CCDC149: variants seen among roughly 807,000 people sequenced by gnomAD.
CCDC149 encodes coiled-coil domain-containing protein 149.
In CCDC149, 45 loss-of-function variants were observed where a neutral mutation model predicts 59.9. The observed-to-expected ratio is 0.75, with a 90% CI of 0.59 to 0.96. CCDC149 has a LOEUF of 0.96. Among genes scored for constraint, CCDC149 ranks in the 40% least tolerant of loss-of-function variants. The pLI, the probability that CCDC149 is intolerant of heterozygous loss-of-function variation, is 0.00. For missense variants in CCDC149, 584 were observed against 664.7 expected (o/e 0.88, Z 1.33); for synonymous variants, 245 against 260.6 (o/e 0.94, Z 0.58).
At chr4:24,944,307 C>T (rs1055495571) in intron 1 of CCDC149, among the ~76,000 whole-genome samples, 4 of 151,914 alleles carry the variant, frequency 2.6e-5, no homozygotes, top group African/African-American at 9.7e-5. Flanking sequence ...GGACTAAAAA[C>T]CAAACACCGC....
At chr4:24,852,287 TACACACAC>T (rs768071017) in intron 4 of CCDC149, among the ~76,000 whole-genome samples, 301 of 121,342 alleles carry the variant, frequency 2.5e-3, no homozygotes, top group African/African-American at 4.9e-3. Flanking sequence ...CAACACACCA[TACACACAC>T]ACACACACAC....
chr4:24,928,980 T>C (rs973643466), intron 1 of CCDC149, among the ~76,000 whole-genome samples: 1 of 152,320 alleles, frequency 6.6e-6, no homozygotes, highest in Non-Finnish European at 1.5e-5. Context: ...TGCTACAGTG[T>C]CATGCATTGA....
At chr4:24,866,192 G>C (rs1476059477) in intron 3 of CCDC149, among the ~76,000 whole-genome samples, 1 of 152,056 alleles carries the variant, frequency 6.6e-6, no homozygotes, top group African/African-American at 2.4e-5. Context: ...GATTTTTCCA[G>C]GGTTGTCATC....
chr4:24,836,577 G>A, intron 6 of CCDC149, 69 bp from the exon 7 acceptor site: 1 of 1,072,044 alleles, frequency 9.3e-7, no homozygotes, highest in Admixed American at 2.0e-5. Flanking sequence ...GAAGTATAAG[G>A]GGAAAAAACA....
At chr4:24,812,781 C>T (rs962127921) in intron 12 of CCDC149, among the ~76,000 whole-genome samples, 2 of 152,322 alleles carry the variant, frequency 1.3e-5, no homozygotes, top group East Asian at 3.9e-4. Context: ...TCTTATATGG[C>T]AGCAGGCAAG....
chr4:24,919,339 G>A (rs533199458), intron 1 of CCDC149, among the ~76,000 whole-genome samples: 44 of 152,280 alleles, frequency 2.9e-4, no homozygotes, highest in African/African-American at 9.6e-4. Flanking sequence ...GAAACACAGA[G>A]AGACACCACA....
rs369543642 is a variant in CCDC149, at chr4:24,819,953, G to A, written c.1098C>T (p.Phe366=). Reference sequence around the variant, plus strand: ...GTCCACTAGGAAGAGTGGGGTCGCTGAACAGTATGGTGTCCTTGCCCCCTG... The same window carrying A: ...GTCCACTAGGAAGAGTGGGGTCGCTAAACAGTATGGTGTCCTTGCCCCCTG... The change falls in exon 12 of 13, where the codon TTC becomes TTT. Residue 366 remains phenylalanine, a synonymous_variant. Transcript: ENST00000635206. 1.7e-5 allele frequency: 27 copies of A among 1,551,296 alleles called. No individual in the cohort carries two copies. Among genetic ancestry groups the A allele is most frequent in the Non-Finnish European group, 2.4e-5 (27 of 1,146,862 alleles).
intron 1 of CCDC149, among the ~76,000 whole-genome samples, chr4:24,921,802 T>C (rs1722302563): frequency 1.3e-5 from 2 of 152,154 alleles, no homozygotes; most frequent in African/African-American, 4.8e-5. Context: ...TTCACATAGC[T>C]AGTAAGGGGT....
intron 1 of CCDC149, among the ~76,000 whole-genome samples, chr4:24,889,594 G>T (rs545243866): frequency 4.1e-4 from 62 of 152,326 alleles, no homozygotes; most frequent in African/African-American, 1.4e-3. Context: ...CAGGCAGCTT[G>T]CATCACCAAC....
intron 1 of CCDC149, among the ~76,000 whole-genome samples, chr4:24,971,195 T>C (rs1723959392): frequency 6.6e-6 from 1 of 152,228 alleles, no homozygotes; most frequent in Admixed American, 6.5e-5. Context: ...TGGGCATCTC[T>C]AGGCTCTGGC....
intron 1 of CCDC149, among the ~76,000 whole-genome samples, chr4:24,898,078 C>A (rs1400965439): frequency 3.3e-5 from 5 of 152,132 alleles, no homozygotes; most frequent in Non-Finnish European, 7.4e-5. Context: ...ATCTGCGCCC[C>A]ATCAATATGA....
chr4:24,914,486 G>A (rs542685289), upstream of CCDC149, among the ~76,000 whole-genome samples: 9 of 151,758 alleles, frequency 5.9e-5, no homozygotes, highest in South Asian at 2.1e-4. Flanking sequence ...AATAAGCTCC[G>A]AATAGCTTGC....
At chr4:24,842,755 C>A (rs1717016229) in intron 4 of CCDC149, among the ~76,000 whole-genome samples, 2 of 152,178 alleles carry the variant, frequency 1.3e-5, no homozygotes. Context: ...CTCCATGAAG[C>A]CTGTCCAGGC....
intron 9 of CCDC149, among the ~76,000 whole-genome samples, chr4:24,826,631 A>T (rs545605586): frequency 6.6e-6 from 1 of 152,306 alleles, no homozygotes; most frequent in South Asian, 2.1e-4. Context: ...ACAATGTGCC[A>T]CCTTGGAAGC....
At chr4:24,881,401 T>C (rs12511558) in intron 1 of CCDC149, among the ~76,000 whole-genome samples, 63,935 of 152,120 alleles carry the variant, frequency 0.42, 14,608 homozygotes, top group Non-Finnish European at 0.52. Flanking sequence ...TGAGAATTGC[T>C]GGGCTTTCTC....
In CCDC149 at chr4:24,931,829, GTA is replaced by G. The variant is rs57205804; in HGVS notation, c.-64-36713_-64-36712del. 7.8e-4 allele frequency among the ~76,000 whole-genome samples: 60 copies of G among 76,930 alleles called. 1 individual carries two copies. The highest frequency in any genetic ancestry group is 1.4e-3 in the African/African-American group (23 of 16,500). The allele number at this position is 76,930 out of a possible 152,430, so 50.5% of individuals were successfully genotyped here. On this transcript the variant is annotated intron_variant, in intron 1 of 12. Transcript: ENST00000389609. ...CTCCCTTATATTGTATGGAGAGTAT[GTA>G]TATATATATATATATATATATGCAT...
At chr4:24,894,064 G>C (rs1383811106) in intron 1 of CCDC149, among the ~76,000 whole-genome samples, 1 of 152,120 alleles carries the variant, frequency 6.6e-6, no homozygotes. Flanking sequence ...TCAAATCCCA[G>C]CTCTGGCTTT....
chr4:24,897,964 G>A (rs4697493), intron 1 of CCDC149, among the ~76,000 whole-genome samples: 24,852 of 152,248 alleles, frequency 0.16, 2,186 homozygotes, highest in Admixed American at 0.24. Flanking sequence ...GAGCAAATTA[G>A]AAAGCAAATT....
Position 24,853,119 on chromosome 4 carries a change from T to G in CCDC149, c.325A>C (p.Ile109Leu). ...CCAAGCCTTTGCTGAAGTTCTTTAATTTCTTCTCCCAGATGTTTATTTCGG... is the reference window on the plus strand; with the variant it reads ...CCAAGCCTTTGCTGAAGTTCTTTAAGTTCTTCTCCCAGATGTTTATTTCGG... Residue 109 changes from isoleucine (I) to leucine (L), a missense_variant, in exon 4 of 13, where the codon ATT becomes CTT. Transcript: ENST00000635206. 1 of 1,614,074 alleles carries G rather than the reference T, an allele frequency of 6.2e-7. No homozygotes were observed. The highest frequency in any genetic ancestry group is 8.5e-7 in the Non-Finnish European group (1 of 1,179,910).
Sources: gnomAD v4.1 joint callset for allele counts (sites outside exome capture counted in the v4.1 genomes callset) on GRCh38, gnomAD v4.1.1 for gene constraint, MANE v1.5 for transcripts, NCBI Gene and HGNC (gene_info 2026-07-23, HGNC 2026-07-21) for gene names.